GATB: variants seen among roughly 807,000 people sequenced by gnomAD.
GATB encodes glutamyl-tRNA(Gln) amidotransferase subunit B, mitochondrial.
Under a neutral mutation model 62.3 loss-of-function variants are expected in GATB, and 39 were observed. The ratio of observed to expected loss-of-function variants is 0.63; its 90% CI spans 0.48 to 0.82. The LOEUF is 0.82. Among genes scored for constraint, GATB ranks in the 40% least tolerant of loss-of-function variants. The pLI, the probability that GATB is intolerant of heterozygous loss-of-function variation, is 0.00. For missense variants in GATB, 670 were observed against 684.0 expected, an observed-to-expected ratio of 0.98 and a Z score of 0.23; for synonymous variants, 276 against 258.9, an observed-to-expected ratio of 1.07 and a Z score of -0.63.
chr4:151,730,053 C>T lies in GATB; in HGVS notation c.328-10515G>A, dbSNP rs545280287. Among the ~76,000 whole-genome samples the T allele has an allele frequency of 3.3e-4, 50 of 152,272 alleles. No homozygotes were observed. The highest frequency in any genetic ancestry group is 1.2e-3 in the African/African-American group (50 of 41,548). On this transcript the variant is annotated intron_variant, in intron 2 of 12. Transcript: ENST00000263985. This position sits in a 1 kb window ranked among gnomAD's most constrained non-coding sequence, Gnocchi z 4.1. ...GAAAGCCTCAGGCAAGTTTTCAAGC[C>T]CCACCTGCCCTCTGCCTGGAAACAG... is the stretch of plus-strand genomic sequence containing the variant.
chr4:151,704,042 A>C, intron 7 of GATB, 147 bp from the exon 8 acceptor site: 1 of 583,364 alleles, frequency 1.7e-6, no homozygotes, highest in Non-Finnish European at 3.1e-6. Context: ...AATACATTCA[A>C]AAAACAATCA....
intron 2 of GATB, among the ~76,000 whole-genome samples, chr4:151,747,517 A>G (rs1236249925): frequency 6.6e-6 from 1 of 152,220 alleles, no homozygotes; most frequent in Admixed American, 6.5e-5. Context: ...ATAAAACCCA[A>G]TGGGCCCTGG....
At chr4:151,699,818 A>G (rs537551423) in intron 9 of GATB, among the ~76,000 whole-genome samples, 37 of 152,244 alleles carry the variant, frequency 2.4e-4, no homozygotes, top group Middle Eastern at 3.4e-3. Context: ...TATATAGTCA[A>G]TTTCTCTATG....
chr4:151,735,248 A>AC (rs960173686), intron 2 of GATB, among the ~76,000 whole-genome samples: 3 of 151,304 alleles, frequency 2.0e-5, no homozygotes, highest in African/African-American at 7.4e-5. Flanking sequence ...AAAAAAAAAA[A>AC]AACAAACAAT....
chr4:151,699,504 T>TTAA (rs2126967639), intron 9 of GATB, among the ~76,000 whole-genome samples: 1 of 152,188 alleles, frequency 6.6e-6, no homozygotes, highest in East Asian at 1.9e-4. Flanking sequence ...AAACACCTAT[T>TTAA]TAAGGCCTAC....
chr4:151,737,516 A>AT (rs1218783627), intron 2 of GATB, among the ~76,000 whole-genome samples: 6 of 152,200 alleles, frequency 3.9e-5, no homozygotes, highest in Non-Finnish European at 8.8e-5. Flanking sequence ...AGAAAAACCC[A>AT]TTTTCTGAGG....
At chr4:151,756,048 C>T (rs1739822925) in intron 2 of GATB, among the ~76,000 whole-genome samples, 1 of 152,130 alleles carries the variant, frequency 6.6e-6, no homozygotes, top group Non-Finnish European at 1.5e-5. Context: ...GCATGGGAAA[C>T]CAACATTTCA....
At chr4:151,719,802 G>T (rs566110139) in intron 2 of GATB, 49 of 313,484 alleles carry the variant, frequency 1.6e-4, no homozygotes, top group Admixed American at 1.1e-3. Context: ...CCCAGTGCCC[G>T]GCATCAAAGC....
At chr4:151,719,568 A>G (rs934702973) in intron 2 of GATB, 30 bp from the exon 3 acceptor site, 3 of 1,455,546 alleles carry the variant, frequency 2.1e-6, no homozygotes, top group Admixed American at 2.0e-5. Context: ...AGTTCCTCTC[A>G]GAACCGCAGG....
intron 5 of GATB, among the ~76,000 whole-genome samples, chr4:151,715,653 T>C (rs967184089): frequency 6.6e-6 from 1 of 152,212 alleles, no homozygotes; most frequent in South Asian, 2.1e-4. Flanking sequence ...CAACTAATTA[T>C]GAAGTGCTAT....
chr4:151,671,305 A>AGAAG lies in GATB; in HGVS notation c.1546-7_1546-4dup. The AGAAG allele has an allele frequency of 6.4e-7, 1 of 1,564,948 alleles. No homozygotes were observed. The highest frequency in any genetic ancestry group is 1.1e-5 in the South Asian group (1 of 89,384). On this transcript the variant is annotated splice_polypyrimidine_tract_variant and splice_region_variant and intron_variant, in intron 12 of 12. Coordinates refer to ENST00000263985, the MANE Select transcript of GATB (RefSeq NM_004564.3). Reference sequence around the variant, plus strand: ...TTTCTGTTCTTCACATCCATTACCTAGAAGGACAGAAATTACTTACTTAAG... The same window carrying AGAAG: ...TTTCTGTTCTTCACATCCATTACCTAGAAGGAAGGACAGAAATTACTTACTTAAG...
intron 11 of GATB, 120 bp downstream of exon 11, chr4:151,679,693 A>T: frequency 1.2e-6 from 1 of 828,164 alleles, no homozygotes; most frequent in Non-Finnish European, 2.1e-6. Context: ...CATTAAAAAC[A>T]CCACTACTGG....
chr4:151,711,616 C>G (rs1204479745), intron 5 of GATB, among the ~76,000 whole-genome samples: 2 of 152,228 alleles, frequency 1.3e-5, no homozygotes, highest in African/African-American at 4.8e-5. Flanking sequence ...TAAAAAACAA[C>G]ATTGTCACTT....
rs530365657 is a variant in GATB at position 151,756,950 on chromosome 4, T to G, written c.327+1822A>C. 3.2e-4 allele frequency among the ~76,000 whole-genome samples: 48 copies of G among 152,288 alleles called. 1 individual carries two copies. The highest frequency in any genetic ancestry group is 1.1e-3 in the African/African-American group (44 of 41,556). On this transcript the variant is annotated intron_variant, in intron 2 of 12. Transcript: ENST00000263985. ...ACAGCTGGAAAAACCTAGGATGAAC[T>G]CAGAGCTTATGCCTAATCTCTTGAT...
intron 2 of GATB, among the ~76,000 whole-genome samples, chr4:151,747,010 C>T (rs1739614670): frequency 1.3e-5 from 2 of 152,136 alleles, no homozygotes; most frequent in African/African-American, 4.8e-5. Context: ...CAGGACAACA[C>T]ATTTTCTACT....
At chr4:151,757,467 A>ATTTTTTTTTTTTTTTTTTTTTTTTTTTTT (rs745311470) in intron 2 of GATB, among the ~76,000 whole-genome samples, 1 of 103,820 alleles carries the variant, frequency 9.6e-6, no homozygotes, top group Non-Finnish European at 1.8e-5. Flanking sequence ...CAGCTTCCAG[A>ATTTTTTTTTTTTTTTTTTTTTTTTTTTTT]TTTTTTTTTT....
intron 10 of GATB, 131 bp downstream of exon 10, chr4:151,688,499 G>C (rs1429521734): frequency 1.2e-6 from 1 of 812,700 alleles, no homozygotes; most frequent in African/African-American, 1.7e-5. Flanking sequence ...GGAGTCCACA[G>C]GGGATGTTTG....
intron 5 of GATB, among the ~76,000 whole-genome samples, chr4:151,709,527 T>C (rs1229645207): frequency 6.6e-6 from 1 of 151,960 alleles, no homozygotes; most frequent in Non-Finnish European, 1.5e-5. Flanking sequence ...AACCCTGAGG[T>C]CATCTTCTAC....
chr4:151,717,492 G>C (rs1486780063), intron 3 of GATB, among the ~76,000 whole-genome samples: 4 of 152,188 alleles, frequency 2.6e-5, no homozygotes, highest in African/African-American at 9.7e-5. Context: ...TGGAATGCTG[G>C]CTAAGCATTT....
Sources: gnomAD v4.1 joint callset for allele counts (sites outside exome capture counted in the v4.1 genomes callset) on GRCh38, gnomAD v4.1.1 for gene constraint, Gnocchi (gnomAD v3.1) non-coding constraint, MANE v1.5 for transcripts, NCBI Gene and HGNC (gene_info 2026-07-23, HGNC 2026-07-21) for gene names.